The following LPAR5 variants were observed in gnomAD, a reference collection of about 807,000 sequenced individuals.
The protein encoded by LPAR5 is lysophosphatidic acid receptor 5.
For missense variants in LPAR5, 544 were observed against 521.8 expected, an observed-to-expected ratio of 1.04 and a Z score of -0.41; for synonymous variants, 271 against 261.6, an observed-to-expected ratio of 1.04 and a Z score of -0.35.
intron 1 of LPAR5, among the ~76,000 whole-genome samples, chr12:6,635,599 A>G (rs992668553): frequency 2.6e-5 from 4 of 152,112 alleles, no homozygotes; most frequent in Non-Finnish European, 5.9e-5. Context: ...CCCAAGGCTC[A>G]GTTCCACAGT....
chr12:6,630,492 G>C (rs1210324974), intron 1 of LPAR5, among the ~76,000 whole-genome samples: 1 of 114,900 alleles, frequency 8.7e-6, no homozygotes, highest in East Asian at 2.4e-4. Flanking sequence ...TCTCCCCGTT[G>C]CCCAGGCTGG....
chr12:6,622,243 G>C (rs1948902206), intron 1 of LPAR5, among the ~76,000 whole-genome samples: 1 of 151,378 alleles, frequency 6.6e-6, no homozygotes, highest in Admixed American at 6.6e-5. Context: ...GGCCAACATG[G>C]TGAAACCCCA....
intron 1 of LPAR5, among the ~76,000 whole-genome samples, chr12:6,627,024 T>A (rs1565387493): frequency 6.6e-6 from 1 of 152,250 alleles, no homozygotes; most frequent in Non-Finnish European, 1.5e-5. Context: ...CATTTACTGA[T>A]CATCACCATA....
chr12:6,621,549 CTT>C (rs1161279037), intron 1 of LPAR5, 85 bp from the exon 2 acceptor site: 11 of 290,822 alleles, frequency 3.8e-5, no homozygotes, highest in Admixed American at 3.1e-4. Context: ...CCTTCTGAAT[CTT>C]TTCTCAGCCT....
intron 1 of LPAR5, among the ~76,000 whole-genome samples, chr12:6,630,456 TTTTTTTTTTTTTTTTTG>T: frequency 1.8e-5 from 2 of 113,132 alleles, no homozygotes; most frequent in African/African-American, 6.9e-5. Flanking sequence ...TTTTTTTTTT[TTTTTTTTTTTTTTTTTG>T]AGACGGAGTC....
chr12:6,623,996 G>A (rs1019970333), intron 1 of LPAR5, among the ~76,000 whole-genome samples: 3 of 152,138 alleles, frequency 2.0e-5, no homozygotes, highest in Non-Finnish European at 4.4e-5. Context: ...CCCAAATACA[G>A]AACAACATCC....
intron 1 of LPAR5, among the ~76,000 whole-genome samples, chr12:6,634,652 C>A (rs1261587757): frequency 6.6e-6 from 1 of 151,304 alleles, no homozygotes; most frequent in Non-Finnish European, 1.5e-5. Flanking sequence ...AAAAATTAGC[C>A]GGGCATGGTG....
At chr12:6,626,138 G>C (rs954722293) in intron 1 of LPAR5, among the ~76,000 whole-genome samples, 1 of 152,144 alleles carries the variant, frequency 6.6e-6, no homozygotes, top group African/African-American at 2.4e-5. Flanking sequence ...AGGCATAGTG[G>C]CAGGTGCCTG....
intron 1 of LPAR5, among the ~76,000 whole-genome samples, chr12:6,625,640 G>A (rs1391505926): frequency 3.4e-5 from 5 of 146,758 alleles, no homozygotes; most frequent in Admixed American, 1.4e-4. Context: ...GGAGACTGGC[G>A]GGAACCCGGG....
intron 1 of LPAR5, among the ~76,000 whole-genome samples, chr12:6,628,656 G>A (rs753952495): frequency 6.9e-6 from 1 of 144,506 alleles, no homozygotes; most frequent in African/African-American, 2.6e-5. Context: ...TTTTGAGATG[G>A]AGTTTCACTT....
chr12:6,622,894 A>G (rs908544355), intron 1 of LPAR5, among the ~76,000 whole-genome samples: 4 of 152,096 alleles, frequency 2.6e-5, no homozygotes, highest in African/African-American at 9.7e-5. Flanking sequence ...CCTCAAGCCC[A>G]CCACTGCACT....
chr12:6,621,709 A>G (rs1055742342), intron 1 of LPAR5, among the ~76,000 whole-genome samples: 1 of 152,222 alleles, frequency 6.6e-6, no homozygotes, highest in South Asian at 2.1e-4. Flanking sequence ...CAAAAAAATT[A>G]ATCTTGGCTG....
intron 1 of LPAR5, among the ~76,000 whole-genome samples, chr12:6,632,451 A>G (rs950441665): frequency 6.6e-6 from 1 of 152,092 alleles, no homozygotes; most frequent in Non-Finnish European, 1.5e-5. Flanking sequence ...CCGACACAGG[A>G]AGTCCCTCTT....
In LPAR5 at chr12:6,620,657, G is replaced by T; in HGVS notation, c.592C>A (p.Leu198Met). ...GCCGCCAGGGGCAGCAGGAAGCCCAGCGCCTCGGCCAGCAGCACGAGGGGC... is the reference window on the plus strand; with the variant it reads ...GCCGCCAGGGGCAGCAGGAAGCCCATCGCCTCGGCCAGCAGCACGAGGGGC... ...LLPLVLLAEA[L>M]GFLLPLAAVV... Residue 198 changes from leucine to methionine, a missense_variant, in exon 2 of 2, where the codon CTG (leucine) becomes ATG (methionine). Coordinates refer to ENST00000329858, the MANE Select transcript of LPAR5 (RefSeq NM_020400.6). This position sits in a 1 kb window ranked among gnomAD's most constrained non-coding sequence, Gnocchi z 6.8. 6.4e-7 allele frequency: 1 copy of T among 1,557,556 alleles called. No individual in the cohort carries two copies.
chr12:6,628,443 TTTCC>T (rs368313069), intron 1 of LPAR5, among the ~76,000 whole-genome samples: 83 of 151,872 alleles, frequency 5.5e-4, no homozygotes, highest in South Asian at 8.3e-4. Flanking sequence ...TCTTTCTTTC[TTTCC>T]TTCCTTCCTT....
intron 1 of LPAR5, among the ~76,000 whole-genome samples, chr12:6,622,122 C>A (rs548190598): frequency 6.7e-6 from 1 of 149,726 alleles, no homozygotes; most frequent in South Asian, 2.1e-4. Context: ...AAGTGAAACT[C>A]TGTCTCAAAA....
In LPAR5 at chr12:6,621,003, G is replaced by C; in HGVS notation, c.246C>G (p.Tyr82Ter). 1 of 1,613,094 alleles carries C rather than the reference G, an allele frequency of 6.2e-7. No homozygotes were observed. Among genetic ancestry groups the C allele is most frequent in the Non-Finnish European group, 8.5e-7 (1 of 1,179,466 alleles). Residue 82 changes from tyrosine to a stop codon, truncating the protein, a stop_gained, in exon 2 of 2, where the codon TAC becomes TAG. Coordinates refer to ENST00000329858, the MANE Select transcript of LPAR5 (RefSeq NM_020400.6). LOFTEE classifies it low-confidence loss of function (END_TRUNC). ...TLSLPVRLSY[Y>*]ALHHWPFPDL... ...CGGGGAAGGGCCAGTGGTGCAGTGC[G>C]TAGTAGGAGAGACGAACGGGCAGCG...
Position 6,635,535 on chromosome 12 carries a change from A to C in LPAR5, c.-217+372T>G, listed in dbSNP as rs569078652. 2.0e-5 allele frequency among the ~76,000 whole-genome samples: 3 copies of C among 152,164 alleles called. No homozygotes were observed. In the East Asian group the frequency reaches 5.8e-4, roughly 30 times the overall value. On this transcript the variant is annotated intron_variant, in intron 1 of 1. Transcript: ENST00000329858. ...ATGTGTGGTGTAGGGGTTGAGGTTT[A>C]ACTGCGAGTGGAAAAAGTGTGTAAA...
chr12:6,620,598 C>T lies in LPAR5; in HGVS notation c.651G>A (p.Thr217=), dbSNP rs747095925. 5.8e-6 allele frequency: 9 copies of T among 1,550,802 alleles called. No individual in the cohort carries two copies. The highest frequency in any genetic ancestry group is 7.8e-6 in the Non-Finnish European group (9 of 1,147,562). ...VVYSSGRVFW[T]LARPDATQSQ... The stretch of plus-strand genomic sequence containing the variant: ...TCTGCGTGGCGTCGGGGCGCGCCAG[C>T]GTCCAGAAGACTCGGCCCGACGAGT... The change falls in exon 2 of 2, where the codon ACG becomes ACA. Residue 217 remains threonine (T), a synonymous_variant. Coordinates refer to ENST00000329858, the MANE Select transcript of LPAR5 (RefSeq NM_020400.6). This position sits in a 1 kb window ranked among gnomAD's most constrained non-coding sequence, Gnocchi z 6.8.
Sources: gnomAD v4.1 joint callset for allele counts (sites outside exome capture counted in the v4.1 genomes callset) on GRCh38, gnomAD v4.1.1 for gene constraint, Gnocchi (gnomAD v3.1) non-coding constraint, MANE v1.5 for transcripts, NCBI Gene and HGNC (gene_info 2026-07-23, HGNC 2026-07-21) for gene names.